The following SMARCA5 variants were observed in gnomAD, a reference collection of about 807,000 sequenced individuals.
The protein encoded by SMARCA5 is SNF2 related chromatin remodeling ATPase 5, also known as SWI/SNF-related matrix-associated actin-dependent regulator of chromatin subfamily A member 5.
Under a neutral mutation model 140.4 loss-of-function variants are expected in SMARCA5, and 18 were observed. The ratio of observed to expected loss-of-function variants is 0.13; its 90% CI spans 0.09 to 0.19. SMARCA5 has a LOEUF of 0.19. Ranked by LOEUF, SMARCA5 falls within the 10% of genes least tolerant of loss-of-function variation. The pLI is 1.00. For synonymous variants in SMARCA5, 449 were observed against 419.6 expected (o/e 1.07, Z -0.86); for missense variants, 606 against 1,276.8 (o/e 0.47, Z 8.01).
chr4:143,526,502 A>G, intron 6 of SMARCA5, 42 bp downstream of exon 6: 5 of 1,391,130 alleles, frequency 3.6e-6, no homozygotes, highest in Non-Finnish European at 5.1e-6. Flanking sequence ...GGCTAAAATA[A>G]TTTGAATTCA....
intron 13 of SMARCA5, 63 bp from the exon 14 acceptor site, chr4:143,540,300 C>T: frequency 1.8e-5 from 23 of 1,301,008 alleles, no homozygotes; most frequent in Middle Eastern, 1.9e-4. Context: ...CTCAGTGTAC[C>T]CATTTCAGTG....
intron 6 of SMARCA5, among the ~76,000 whole-genome samples, chr4:143,526,954 A>G (rs1175655267): frequency 6.6e-6 from 1 of 152,138 alleles, no homozygotes; most frequent in African/African-American, 2.4e-5. Flanking sequence ...GAGTGGTTGT[A>G]TAAAATCATT....
chr4:143,543,040 A>G (rs1023142056), intron 14 of SMARCA5, among the ~76,000 whole-genome samples: 4 of 152,222 alleles, frequency 2.6e-5, no homozygotes, highest in African/African-American at 9.6e-5. Flanking sequence ...TTTTCTTTAA[A>G]AAGAAACTGA....
chr4:143,530,025 C>G (rs1033008684), intron 8 of SMARCA5, among the ~76,000 whole-genome samples: 1 of 152,132 alleles, frequency 6.6e-6, no homozygotes, highest in Non-Finnish European at 1.5e-5. Context: ...TAATGAAATG[C>G]TGGTAATTTC....
intron 23 of SMARCA5, among the ~76,000 whole-genome samples, chr4:143,552,126 G>T (rs1737651695): frequency 6.6e-6 from 1 of 151,886 alleles, no homozygotes; most frequent in Admixed American, 6.6e-5. Context: ...TCGCTTCTTT[G>T]ATTAATTCCT....
At chr4:143,534,035 A>G (rs1040605222) in intron 9 of SMARCA5, among the ~76,000 whole-genome samples, 7 of 152,334 alleles carry the variant, frequency 4.6e-5, no homozygotes, top group African/African-American at 7.2e-5. Flanking sequence ...AAGTCTATCA[A>G]TAAACACCGT....
Position 143,555,008 on chromosome 4 carries a change from C to G in SMARCA5, c.*1824C>G, listed in dbSNP as rs1737718444. The G allele has an allele frequency of 4.1e-6, 2 of 483,548 alleles. No individual in the cohort carries two copies. Among genetic ancestry groups the G allele is most frequent in the South Asian group, 3.3e-5 (2 of 59,702 alleles). The allele number at this position is 483,548 out of a possible 1,614,324, so 30.0% of individuals were successfully genotyped here. A position where few individuals can be genotyped will look rare whatever the true frequency, so the allele number is the denominator to read the frequency against. On this transcript the variant is annotated 3_prime_UTR_variant, in exon 24 of 24. Transcript: ENST00000283131. ...ACTGTGTTTGGCCAAGTTCACAAAT[C>G]TGTTTTAACCTGTCACTTCCCTGTC...
At chr4:143,531,672 A>G (rs1159266817) in intron 9 of SMARCA5, among the ~76,000 whole-genome samples, 4 of 152,190 alleles carry the variant, frequency 2.6e-5, no homozygotes, top group African/African-American at 7.2e-5. Context: ...GTGCCCCTCC[A>G]TGACCTAACC....
intron 6 of SMARCA5, among the ~76,000 whole-genome samples, chr4:143,526,837 C>T (rs1484510075): frequency 6.6e-6 from 1 of 151,350 alleles, no homozygotes; most frequent in African/African-American, 2.4e-5. Context: ...GCACTCCAGC[C>T]TGGGCAACAA....
chr4:143,524,329 A>G (rs1737024342), intron 3 of SMARCA5, 38 bp from the exon 4 acceptor site: 1 of 1,458,044 alleles, frequency 6.9e-7, no homozygotes, highest in South Asian at 1.2e-5. Flanking sequence ...AATTAAAGCC[A>G]AAACTCAAAT....
intron 8 of SMARCA5, among the ~76,000 whole-genome samples, chr4:143,529,783 A>AT (rs1737148195): frequency 6.6e-6 from 1 of 152,142 alleles, no homozygotes; most frequent in Non-Finnish European, 1.5e-5. Context: ...GAAAGAATAG[A>AT]TTGTGTTGTA....
At chr4:143,544,982 C>G (rs1434123824) in intron 17 of SMARCA5, 135 bp downstream of exon 17, 2 of 529,754 alleles carry the variant, frequency 3.8e-6, no homozygotes, top group South Asian at 4.3e-5. Context: ...GAGTCTCACT[C>G]TGTTACCAGG....
chr4:143,546,026 A>C lies in SMARCA5; in HGVS notation c.2499A>C (p.Glu833Asp). Residue 833 changes from glutamate (E) to aspartate (D), a missense_variant, in exon 19 of 24, where the codon GAA becomes GAC. Around this residue, in one of 10 missense-constraint regions of SMARCA5, gnomAD observed 121 missense variants for 227.1 expected, o/e 0.53. Coordinates refer to ENST00000283131, the MANE Select transcript of SMARCA5 (RefSeq NM_003601.4). ...AESLNDEELE[E>D]KEKLLTQGFT... ...CCCTTAATGATGAAGAGTTAGAGGA[A>C]AAAGAGAAGCTTCTAACACAGGTAT... The C allele has an allele frequency of 6.2e-7, 1 of 1,602,960 alleles. No homozygotes were observed. Among genetic ancestry groups the C allele is most frequent in the Non-Finnish European group, 8.5e-7 (1 of 1,176,412 alleles).
intron 3 of SMARCA5, among the ~76,000 whole-genome samples, chr4:143,523,335 G>A (rs888466621): frequency 2.0e-5 from 3 of 150,164 alleles, no homozygotes; most frequent in Admixed American, 1.3e-4. Flanking sequence ...CCAGGAATAC[G>A]TTTTTTTTTT....
Position 143,556,485 on chromosome 4 carries a change from A to T in SMARCA5, c.*3301A>T, listed in dbSNP as rs557811290. 5 of 152,254 alleles carry T rather than the reference A, an allele frequency of 3.3e-5. No homozygotes were observed. The highest frequency in any genetic ancestry group is 1.2e-4 in the African/African-American group (5 of 41,542). The allele number at this position is 152,254 out of a possible 1,614,324, so 9.4% of individuals were successfully genotyped here. On this transcript the variant is annotated 3_prime_UTR_variant, in exon 24 of 24. Transcript: ENST00000283131. ...AGTAGTTTTGGAGTAGAACATTGCT[A>T]AAAAAATGGGTACTAAGGAGGGTAA...
In SMARCA5 at chr4:143,555,622, CAA is replaced by C; in HGVS notation, c.*2440_*2441del. 3.5e-6 allele frequency: 1 copy of C among 288,988 alleles called. No homozygotes were observed. Among genetic ancestry groups the C allele is most frequent in the South Asian group, 3.4e-5 (1 of 29,188 alleles). 17.9% of individuals were successfully genotyped at this position (288,988 alleles called of 1,614,324 possible). A position where few individuals can be genotyped will look rare whatever the true frequency, so the allele number is the denominator to read the frequency against. ...AAAGATTGCTTAATTGTACATCTGA[CAA>C]AGTGCTGGAGGCTATTATAAAGTGT... On this transcript the variant is annotated 3_prime_UTR_variant, in exon 24 of 24. Transcript: ENST00000283131.
Position 143,538,718 on chromosome 4 carries a change from A to G in SMARCA5, c.1617+7A>G. On this transcript the variant is annotated splice_region_variant and intron_variant, in intron 12 of 23. Transcript: ENST00000283131. ...ACCCCATGATGAGAGACAAGTGAGT[A>G]AAATTTGGGGAGGGAGATAAAAAAG... 1 of 1,613,916 alleles carries G rather than the reference A, an allele frequency of 6.2e-7. No individual in the cohort carries two copies. Among genetic ancestry groups the G allele is most frequent in the African/African-American group, 1.3e-5 (1 of 75,028 alleles).
intron 14 of SMARCA5, among the ~76,000 whole-genome samples, chr4:143,540,760 G>A (rs1475070287): frequency 2.5e-4 from 38 of 152,150 alleles, no homozygotes; most frequent in Admixed American, 2.5e-3. Context: ...CATCTGTTAA[G>A]TGGGGATAAA....
chr4:143,544,656 A>G, intron 16 of SMARCA5, 81 bp from the exon 17 acceptor site: 4 of 813,010 alleles, frequency 4.9e-6, no homozygotes, highest in Non-Finnish European at 8.3e-6. Context: ...ATATCTTTAC[A>G]TTTACAAACA....
Sources: gnomAD v4.1 joint callset for allele counts (sites outside exome capture counted in the v4.1 genomes callset) on GRCh38, gnomAD v4.1.1 for gene constraint, gnomAD v4.1.1 regional missense constraint, MANE v1.5 for transcripts, NCBI Gene and HGNC (gene_info 2026-07-23, HGNC 2026-07-21) for gene names.